The following TTC7B variants were observed in gnomAD, a reference collection of about 807,000 sequenced individuals.
TTC7B encodes tetratricopeptide repeat domain 7B.
Under a neutral mutation model 106.8 loss-of-function variants are expected in TTC7B, and 28 were observed. The ratio of observed to expected loss-of-function variants is 0.26; its 90% CI spans 0.19 to 0.36. TTC7B has a LOEUF of 0.36. Ranked by LOEUF, TTC7B falls within the 10% of genes least tolerant of loss-of-function variation. TTC7B has a pLI of 1.00. For synonymous variants in TTC7B, 405 were observed against 430.6 expected, an observed-to-expected ratio of 0.94 and a Z score of 0.74; for missense variants, 862 against 1,076.4, an observed-to-expected ratio of 0.80 and a Z score of 2.79.
intron 1 of TTC7B, among the ~76,000 whole-genome samples, chr14:90,790,388 T>G (rs555664576): frequency 6.6e-6 from 1 of 152,234 alleles, no homozygotes; most frequent in East Asian, 1.9e-4. Flanking sequence ...TATCCATCTA[T>G]GTAGAACTTC....
intron 5 of TTC7B, among the ~76,000 whole-genome samples, chr14:90,715,826 C>T (rs1294528769): frequency 6.6e-6 from 1 of 152,084 alleles, no homozygotes; most frequent in African/African-American, 2.4e-5. Flanking sequence ...ATGTTTTATC[C>T]CTCCTTCAAA....
intron 3 of TTC7B, among the ~76,000 whole-genome samples, chr14:90,748,605 G>A (rs1039209428): frequency 6.6e-6 from 1 of 152,072 alleles, no homozygotes; most frequent in Non-Finnish European, 1.5e-5. Context: ...GGGATTACAG[G>A]CTTGAGCCAC....
At chr14:90,660,774 T>C (rs992254771) in intron 9 of TTC7B, among the ~76,000 whole-genome samples, 2 of 152,242 alleles carry the variant, frequency 1.3e-5, no homozygotes, top group Non-Finnish European at 2.9e-5. Context: ...GGTCACACAG[T>C]AAATATCACG....
chr14:90,643,779 C>T (rs1345415297), intron 15 of TTC7B, among the ~76,000 whole-genome samples: 1 of 152,102 alleles, frequency 6.6e-6, no homozygotes, highest in Non-Finnish European at 1.5e-5. Flanking sequence ...AACAGGGCTT[C>T]ACCATATTGT....
chr14:90,701,988 T>C (rs962836541), intron 5 of TTC7B, among the ~76,000 whole-genome samples: 1 of 152,042 alleles, frequency 6.6e-6, no homozygotes, highest in Non-Finnish European at 1.5e-5. Flanking sequence ...CTCAACCTAA[T>C]AATACTTAAA....
chr14:90,652,915 A>G lies in TTC7B; in HGVS notation c.1460-17T>C. ...GCAAAGAAGCTAAGAAAAGGGTTCAATTAGTCAGTGGCATGGGGGATCAGG... is the reference window on the plus strand; with the variant it reads ...GCAAAGAAGCTAAGAAAAGGGTTCAGTTAGTCAGTGGCATGGGGGATCAGG... On this transcript the variant is annotated splice_polypyrimidine_tract_variant and intron_variant, in intron 12 of 19. Transcript: ENST00000328459. 1 of 1,614,148 alleles carries G rather than the reference A, an allele frequency of 6.2e-7. No homozygotes were observed. The highest frequency in any genetic ancestry group is 8.5e-7 in the Non-Finnish European group (1 of 1,179,952).
chr14:90,595,905 A>C (rs1420694293), intron 17 of TTC7B, among the ~76,000 whole-genome samples: 1 of 152,196 alleles, frequency 6.6e-6, no homozygotes, highest in Non-Finnish European at 1.5e-5. Flanking sequence ...AAAAGCCTGT[A>C]CACGGGCCAG....
At chr14:90,728,052 C>T (rs928496766) in intron 5 of TTC7B, among the ~76,000 whole-genome samples, 1 of 152,204 alleles carries the variant, frequency 6.6e-6, no homozygotes, top group Admixed American at 6.5e-5. Flanking sequence ...TTCAAAACCT[C>T]CCAACGGTTT....
At chr14:90,710,583 T>C (rs1888406315) in intron 5 of TTC7B, among the ~76,000 whole-genome samples, 1 of 152,150 alleles carries the variant, frequency 6.6e-6, no homozygotes, top group Non-Finnish European at 1.5e-5. Flanking sequence ...TCCATCAATG[T>C]GGTACACTTC....
At chr14:90,724,082 T>C (rs148259647) in intron 5 of TTC7B, among the ~76,000 whole-genome samples, 25 of 152,218 alleles carry the variant, frequency 1.6e-4, no homozygotes, top group African/African-American at 5.8e-4. Flanking sequence ...CACTGGAACG[T>C]CCCTCTGGTG....
chr14:90,708,708 T>G (rs935415445), intron 5 of TTC7B, among the ~76,000 whole-genome samples: 43 of 152,244 alleles, frequency 2.8e-4, no homozygotes, highest in African/African-American at 9.4e-4. Flanking sequence ...ACATCCATTC[T>G]GTAGCCCAAG....
At chr14:90,770,663 A>AT (rs1276227132) in intron 3 of TTC7B, among the ~76,000 whole-genome samples, 1 of 152,124 alleles carries the variant, frequency 6.6e-6, no homozygotes, top group Non-Finnish European at 1.5e-5. Context: ...CAAAAAAAAA[A>AT]AAAAAGAACA....
chr14:90,581,461 G>A (rs761386421), intron 18 of TTC7B, among the ~76,000 whole-genome samples: 4 of 152,108 alleles, frequency 2.6e-5, no homozygotes, highest in South Asian at 2.1e-4. Context: ...TTCCCTCAAC[G>A]CCCTCACCAA....
chr14:90,809,043 C>G (rs1287296474), intron 1 of TTC7B, among the ~76,000 whole-genome samples: 1 of 152,210 alleles, frequency 6.6e-6, no homozygotes, highest in Non-Finnish European at 1.5e-5. Context: ...CAGAGAAGGG[C>G]TGCTCCAGGC....
chr14:90,608,492 T>G lies in TTC7B; in HGVS notation c.1966+2250A>C, dbSNP rs1210023936. 1.3e-5 allele frequency among the ~76,000 whole-genome samples: 2 copies of G among 152,004 alleles called. No individual in the cohort carries two copies. Among genetic ancestry groups the G allele is most frequent in the Non-Finnish European group, 2.9e-5 (2 of 67,992 alleles). ...GCCTGGGAGGCTGTGGCTTCCCTGT[T>G]GTTGAGGAAGGGCATAGGAGCCCGC... On this transcript the variant is annotated intron_variant, in intron 17 of 19. Coordinates refer to ENST00000328459, the MANE Select transcript of TTC7B (RefSeq NM_001010854.2). This position sits in a 1 kb window ranked among gnomAD's most constrained non-coding sequence, Gnocchi z 5.1.
rs571050647 is a variant in TTC7B at position 90,624,546 on chromosome 14, A to G, written c.1752-6501T>C. 6.6e-6 allele frequency among the ~76,000 whole-genome samples: 1 copy of G among 152,200 alleles called. No homozygotes were observed. Among genetic ancestry groups the G allele is most frequent in the African/African-American group, 2.4e-5 (1 of 41,452 alleles). On this transcript the variant is annotated intron_variant, in intron 15 of 19. Coordinates refer to ENST00000328459, the MANE Select transcript of TTC7B (RefSeq NM_001010854.2). This position sits in a 1 kb window ranked among gnomAD's most constrained non-coding sequence, Gnocchi z 4.0. ...TTAGTTTTAGCCTTGGCCCCACCCC[A>G]GTGAGTCCCAGACTTGGGCAGGGGC... is the stretch of plus-strand genomic sequence containing the variant.
At chr14:90,548,796 C>G (rs1889947542) in intron 19 of TTC7B, among the ~76,000 whole-genome samples, 1 of 152,204 alleles carries the variant, frequency 6.6e-6, no homozygotes, top group South Asian at 2.1e-4. Flanking sequence ...GGCCTGTGCT[C>G]TGACCCACCA....
chr14:90,783,307 A>G (rs1401157121), intron 2 of TTC7B, among the ~76,000 whole-genome samples: 1 of 152,240 alleles, frequency 6.6e-6, no homozygotes, highest in African/African-American at 2.4e-5. Flanking sequence ...CTTAAGCTCA[A>G]GGAAAGAGAA....
chr14:90,541,255 C>G lies in TTC7B; in HGVS notation c.*113G>C, dbSNP rs907628990. 4.0e-6 allele frequency: 4 copies of G among 1,000,674 alleles called. No individual in the cohort carries two copies. Among genetic ancestry groups the G allele is most frequent in the East Asian group, 2.6e-5 (1 of 37,942 alleles). 62.0% of individuals were successfully genotyped at this position (1,000,674 alleles called of 1,614,324 possible). Reference sequence around the variant, plus strand: ...TTGGTTCACTGTGGCCCACTGAACACTCGTCCCTGGCCTCAGTGTGGCAGA... The same window carrying G: ...TTGGTTCACTGTGGCCCACTGAACAGTCGTCCCTGGCCTCAGTGTGGCAGA... On this transcript the variant is annotated 3_prime_UTR_variant, in exon 20 of 20. Transcript: ENST00000328459.
Sources: allele counts gnomAD v4.1 joint callset (sites outside exome capture counted in the v4.1 genomes callset), GRCh38; gene constraint gnomAD v4.1.1; non-coding constraint Gnocchi (gnomAD v3.1); transcripts MANE v1.5; gene names NCBI Gene and HGNC (gene_info 2026-07-23, HGNC 2026-07-21).